The following TMEM273 variants were observed in gnomAD, a reference collection of about 807,000 sequenced individuals.
TMEM273 encodes transmembrane protein 273.
TMEM273 carries 19 observed loss-of-function variants against 17.9 expected under a neutral mutation model. The ratio of observed to expected loss-of-function variants is 1.06; its 90% confidence interval spans 0.74 to 1.55. The LOEUF is 1.55. Ranked by LOEUF, TMEM273 falls within the 40% of genes most tolerant of loss-of-function variation. The probability of loss-of-function intolerance (pLI) is 0.00; values close to 1 mark genes in which losing one functional copy is unlikely to be tolerated. For synonymous variants in TMEM273, 66 were observed against 62.0 expected (o/e 1.07, Z -0.31); for missense variants, 194 against 155.6 (o/e 1.25, Z -1.31).
intron 1 of TMEM273, among the ~76,000 whole-genome samples, chr10:49,170,494 C>T (rs1846492141): frequency 6.6e-6 from 1 of 152,188 alleles, no homozygotes; most frequent in Non-Finnish European, 1.5e-5. Context: ...GTGTCCCCTC[C>T]AAGCTGTGAG....
intron 1 of TMEM273, among the ~76,000 whole-genome samples, chr10:49,168,892 T>TA (rs919058080): frequency 6.6e-6 from 1 of 152,194 alleles, no homozygotes; most frequent in African/African-American, 2.4e-5. Flanking sequence ...ATTGGCCACT[T>TA]ACTCTGAGAC....
At chr10:49,156,320 C>A in intron 6 of TMEM273, 1 of 1,281,152 alleles carries the variant, frequency 7.8e-7, no homozygotes, top group East Asian at 5.5e-5. Flanking sequence ...GCCTTCACAT[C>A]TGAACTACGA....
rs1846201006 is a variant in TMEM273, at chr10:49,166,617, G to A, written c.238+252C>T. 1.2e-5 allele frequency: 6 copies of A among 516,404 alleles called. No individual in the cohort carries two copies. In the East Asian group the frequency reaches 1.4e-4, roughly 12 times the overall value. The allele number at this position is 516,404 out of a possible 1,614,324, so 32.0% of individuals were successfully genotyped here. A position where few individuals can be genotyped will look rare whatever the true frequency, so the allele number is the denominator to read the frequency against. Reference sequence around the variant, plus strand: ...GTACAGAGGGAAAGAGACACAGAAAGACAGAGACATGGAAAGGGAGACAGA... The same window carrying A: ...GTACAGAGGGAAAGAGACACAGAAAAACAGAGACATGGAAAGGGAGACAGA... On this transcript the variant is annotated intron_variant, in intron 3 of 6. Coordinates refer to ENST00000374153, the MANE Select transcript of TMEM273 (RefSeq NM_001288740.3).
chr10:49,158,728 T>C (rs1417225800), intron 6 of TMEM273, among the ~76,000 whole-genome samples: 1 of 152,008 alleles, frequency 6.6e-6, no homozygotes, highest in Non-Finnish European at 1.5e-5. Context: ...AAGAGGCAAA[T>C]GAAACACTGG....
At chr10:49,169,088 C>T (rs1284009377) in intron 1 of TMEM273, among the ~76,000 whole-genome samples, 1 of 152,166 alleles carries the variant, frequency 6.6e-6, no homozygotes. Context: ...GGAAGGCCTA[C>T]AGACGTGAAT....
rs1846137706 is a variant in TMEM273, at chr10:49,165,771, G to A, written c.264C>T (p.Ala88=). 3 of 1,614,022 alleles carry A rather than the reference G, an allele frequency of 1.9e-6. No homozygotes were observed. The highest frequency in any genetic ancestry group is 1.7e-6 in the Non-Finnish European group (2 of 1,180,030). Residue 88 remains alanine (A), a synonymous_variant, in exon 4 of 7, where the codon GCC becomes GCT. Transcript: ENST00000374153. ...LSDTIPLKKR[A]PRKLQASTLF... ...TGTGTGGGCAGTGACCTTACCTTGG[G>A]GCTCTCTTCTTTAGCGGGATGGTGT...
intron 5 of TMEM273, among the ~76,000 whole-genome samples, 187 bp from the exon 6 acceptor site, chr10:49,161,809 A>G (rs182266000): frequency 1.3e-5 from 2 of 152,114 alleles, no homozygotes; most frequent in Non-Finnish European, 2.9e-5. Flanking sequence ...CTCCTCTCTG[A>G]AAGTCCCTCT....
intron 1 of TMEM273, among the ~76,000 whole-genome samples, chr10:49,180,779 A>T (rs969639525): frequency 2.0e-5 from 3 of 152,230 alleles, no homozygotes; most frequent in African/African-American, 7.2e-5. Context: ...AACTTCACAA[A>T]GAATATCTGC....
At chr10:49,185,959 C>G (rs1223008366) in intron 1 of TMEM273, among the ~76,000 whole-genome samples, 1 of 150,556 alleles carries the variant, frequency 6.6e-6, no homozygotes, top group Non-Finnish European at 1.5e-5. Context: ...GCCTGGGCAA[C>G]AAGAGCAAAA....
chr10:49,184,456 A>G (rs1424489715), intron 1 of TMEM273, among the ~76,000 whole-genome samples: 2 of 152,366 alleles, frequency 1.3e-5, no homozygotes, highest in South Asian at 2.1e-4. Flanking sequence ...CCAATAATCA[A>G]ATACAACTTG....
In TMEM273 at chr10:49,176,552, G is replaced by A. The variant is rs538397105; in HGVS notation, c.44-8590C>T. Among the ~76,000 whole-genome samples, 11 of 152,334 alleles carry A rather than the reference G, an allele frequency of 7.2e-5. No individual in the cohort carries two copies. The Middle Eastern group carries it at 0.01, about 141-fold the overall frequency. ...GTAAAGTATTGTGGAAGAGGAAAGCGTTGCATAACCGCTAAGTGGTGGGGT... is the reference window on the plus strand; with the variant it reads ...GTAAAGTATTGTGGAAGAGGAAAGCATTGCATAACCGCTAAGTGGTGGGGT... On this transcript the variant is annotated intron_variant, in intron 1 of 6. Coordinates refer to ENST00000374153, the MANE Select transcript of TMEM273 (RefSeq NM_001288740.3).
chr10:49,165,268 C>G lies in TMEM273; in HGVS notation c.285G>C (p.Ser95=), dbSNP rs764604751. Residue 95 remains serine (S), a synonymous_variant, in exon 5 of 7, where the codon TCG becomes TCC. Transcript: ENST00000374153. ...KKRAPRKLQA[S]TLFSFKSLLQ... is the part of the protein sequence containing the mutation. ...GCAGGGATTTGAAGGAAAAGAGGGTCGAGGCTTGCAGCTTTCTGGCAAAGA... is the reference window on the plus strand; with the variant it reads ...GCAGGGATTTGAAGGAAAAGAGGGTGGAGGCTTGCAGCTTTCTGGCAAAGA... The G allele has an allele frequency of 6.4e-7, 1 of 1,550,488 alleles. No individual in the cohort carries two copies.
intron 5 of TMEM273, among the ~76,000 whole-genome samples, chr10:49,164,235 T>C (rs1159106478): frequency 1.3e-5 from 2 of 152,180 alleles, no homozygotes; most frequent in East Asian, 3.9e-4. Flanking sequence ...GGGCACCTGC[T>C]CAGAGAAAAC....
At chr10:49,165,460 A>T in intron 4 of TMEM273, 177 bp from the exon 5 acceptor site, 1 of 1,470,696 alleles carries the variant, frequency 6.8e-7, no homozygotes. Flanking sequence ...TGGAGGCCTC[A>T]TTCTGAAAGT....
intron 1 of TMEM273, among the ~76,000 whole-genome samples, chr10:49,173,600 G>A (rs575149391): frequency 2.6e-4 from 40 of 152,228 alleles, no homozygotes; most frequent in African/African-American, 7.7e-4. Flanking sequence ...CCTCTCCCCC[G>A]CACTGTTGGC....
chr10:49,157,084 G>C (rs1845556725), intron 6 of TMEM273, among the ~76,000 whole-genome samples: 1 of 152,194 alleles, frequency 6.6e-6, no homozygotes, highest in Admixed American at 6.5e-5. Context: ...GTGTTGATAA[G>C]GAAGGGATCT....
intron 6 of TMEM273, chr10:49,160,839 T>C (rs973939224): frequency 1.3e-5 from 2 of 152,076 alleles, no homozygotes; most frequent in Non-Finnish European, 1.5e-5. Context: ...AGGGTGTATA[T>C]ATTTTGATTG....
chr10:49,167,953 C>T lies in TMEM273; in HGVS notation c.53G>A (p.Gly18Glu). The change falls in exon 2 of 7, where the codon GGA becomes GAA. Residue 18 changes from glycine (G) to glutamate (E), a missense_variant. Coordinates refer to ENST00000374153, the MANE Select transcript of TMEM273 (RefSeq NM_001288740.3). The stretch of plus-strand genomic sequence containing the variant: ...CTTGCCTGTTGCCAGCACTTGAGCT[C>T]CTCCTACATCTGCAAAGAAAGAAAC... ...LRILFLLDVG[G>E]AQVLATGKTP... The T allele has an allele frequency of 1.2e-6, 2 of 1,614,060 alleles. No individual in the cohort carries two copies. Among genetic ancestry groups the T allele is most frequent in the Non-Finnish European group, 8.5e-7 (1 of 1,180,008 alleles).
intron 1 of TMEM273, among the ~76,000 whole-genome samples, chr10:49,183,595 A>T (rs546079350): frequency 6.6e-6 from 1 of 152,152 alleles, no homozygotes; most frequent in East Asian, 1.9e-4. Flanking sequence ...GCAGTTTGGC[A>T]TTAGAGCTAA....
Sources: gnomAD v4.1 joint callset for allele counts (sites outside exome capture counted in the v4.1 genomes callset) on GRCh38, gnomAD v4.1.1 for gene constraint, MANE v1.5 for transcripts, NCBI Gene and HGNC (gene_info 2026-07-23, HGNC 2026-07-21) for gene names.